Variants in GRM8 observed in about 807,000 individuals in gnomAD.
GRM8 encodes the protein metabotropic glutamate receptor 8.
Under a neutral mutation model 87.2 loss-of-function variants are expected in GRM8, and 47 were observed. That is an observed-to-expected ratio of 0.54 (90% confidence interval 0.43 to 0.69). GRM8 has a LOEUF of 0.69. Ranked by LOEUF, GRM8 falls within the 30% of genes least tolerant of loss-of-function variation. The pLI is 0.00. For missense variants in GRM8, 1,019 were observed against 1,139.2 expected (o/e 0.89, Z 1.52); for synonymous variants, 396 against 404.5 (o/e 0.98, Z 0.25).
At chr7:126,940,828 C>T (rs906322224) in intron 3 of GRM8, among the ~76,000 whole-genome samples, 15 of 152,108 alleles carry the variant, frequency 9.9e-5, no homozygotes, top group African/African-American at 2.9e-4. Flanking sequence ...TTGTTTGGTC[C>T]TTGGCTGGTT....
intron 6 of GRM8, chr7:126,870,339 G>A (rs1156860731): frequency 1.3e-5 from 2 of 152,090 alleles, no homozygotes; most frequent in African/African-American, 2.4e-5. Context: ...CCTGTTCCTT[G>A]GAGTAGCACT....
chr7:127,045,509 C>G (rs1303433153), intron 3 of GRM8, among the ~76,000 whole-genome samples: 1 of 152,190 alleles, frequency 6.6e-6, no homozygotes, highest in Non-Finnish European at 1.5e-5. Context: ...ATCTACCTAT[C>G]TATCCTGTAA....
chr7:127,017,084 A>G (rs1043250761), intron 3 of GRM8, among the ~76,000 whole-genome samples: 1 of 152,104 alleles, frequency 6.6e-6, no homozygotes, highest in African/African-American at 2.4e-5. Context: ...TATAAGATCG[A>G]TTGAATGGGA....
chr7:127,056,460 A>G (rs575991368), intron 3 of GRM8, among the ~76,000 whole-genome samples: 1 of 152,252 alleles, frequency 6.6e-6, no homozygotes. Context: ...CACAGAAGGG[A>G]GGTACACTTA....
intron 3 of GRM8, among the ~76,000 whole-genome samples, chr7:127,044,807 T>A (rs1165270987): frequency 6.6e-6 from 1 of 152,216 alleles, no homozygotes; most frequent in Non-Finnish European, 1.5e-5. Flanking sequence ...AACAACATGC[T>A]AAGTGCTTTA....
chr7:126,746,889 C>A (rs552282786), intron 7 of GRM8, among the ~76,000 whole-genome samples: 2 of 151,812 alleles, frequency 1.3e-5, no homozygotes, highest in East Asian at 3.9e-4. Flanking sequence ...CAGTTTCATA[C>A]TTCTATGTAG....
intron 8 of GRM8, among the ~76,000 whole-genome samples, chr7:126,538,580 C>G (rs1344209053): frequency 6.6e-6 from 1 of 151,748 alleles, no homozygotes; most frequent in Non-Finnish European, 1.5e-5. Context: ...TTAGTCATAC[C>G]ATTCTTAACA....
At chr7:126,852,672 T>C (rs569629321) in intron 6 of GRM8, among the ~76,000 whole-genome samples, 20 of 152,296 alleles carry the variant, frequency 1.3e-4, no homozygotes, top group South Asian at 8.3e-4. Context: ...TTTAAGAGAA[T>C]TTTCAAGTGT....
At chr7:127,023,042 G>T (rs975734850) in intron 3 of GRM8, among the ~76,000 whole-genome samples, 3 of 151,988 alleles carry the variant, frequency 2.0e-5, no homozygotes, top group African/African-American at 7.2e-5. Context: ...GTCTAGCATT[G>T]GTGTGAAGTA....
chr7:126,997,365 G>T (rs1327367499), intron 3 of GRM8, among the ~76,000 whole-genome samples: 1 of 151,440 alleles, frequency 6.6e-6, no homozygotes, highest in East Asian at 1.9e-4. Flanking sequence ...ACAGCCTGAT[G>T]ATGCATCTTA....
At chr7:126,439,542 A>G (rs1801214945) in intron 10 of GRM8, among the ~76,000 whole-genome samples, 2 of 152,168 alleles carry the variant, frequency 1.3e-5, no homozygotes, top group African/African-American at 4.8e-5. Flanking sequence ...TATACAGTAC[A>G]TAGTACTTGA....
rs558374414 is a variant in GRM8 at position 126,582,180 on chromosome 7, A to C, written c.1494+27182T>G. Among the ~76,000 whole-genome samples the C allele has an allele frequency of 4.3e-5, 6 of 139,718 alleles. No homozygotes were observed. The East Asian group carries it at 1.4e-3, about 32-fold the overall frequency. The allele number at this position is 139,718 out of a possible 152,430, so 91.7% of individuals were successfully genotyped here. A position where few individuals can be genotyped will look rare whatever the true frequency, so the allele number is the denominator to read the frequency against. On this transcript the variant is annotated intron_variant, in intron 8 of 10. Coordinates refer to ENST00000339582, the MANE Select transcript of GRM8 (RefSeq NM_000845.3). ...AAAGAAAAGTTATTGAAGAAAATAA[A>C]AAGTTCTACTCCAGGGAACACATAA...
intron 6 of GRM8, among the ~76,000 whole-genome samples, chr7:126,838,939 C>A (rs1312738904): frequency 6.6e-6 from 1 of 152,168 alleles, no homozygotes; most frequent in African/African-American, 2.4e-5. Flanking sequence ...GCCCTAGGTG[C>A]AGGTGACTGA....
chr7:127,105,872 A>G (rs375013679), intron 3 of GRM8, among the ~76,000 whole-genome samples: 1 of 152,330 alleles, frequency 6.6e-6, no homozygotes. Context: ...CAAGATGGTA[A>G]AATGCCTAGA....
intron 3 of GRM8, among the ~76,000 whole-genome samples, chr7:127,048,365 T>C (rs1222757031): frequency 2.0e-5 from 3 of 152,206 alleles, no homozygotes; most frequent in Non-Finnish European, 4.4e-5. Context: ...AGAGAGGTTA[T>C]GGAGACCAGA....
Position 126,788,420 on chromosome 7 carries a change from A to AAAAAAAAAAAAAAAAAC in GRM8, c.1157-18356_1157-18355insGTTTTTTTTTTTTTTTT. Among the ~76,000 whole-genome samples, 30 of 81,132 alleles carry AAAAAAAAAAAAAAAAAC rather than the reference A, an allele frequency of 3.7e-4. 2 individuals are homozygous for AAAAAAAAAAAAAAAAAC. The highest frequency in any genetic ancestry group is 1.4e-3 in the African/African-American group (30 of 21,822). The allele number at this position is 81,132 out of a possible 152,430, so 53.2% of individuals were successfully genotyped here. A position where few individuals can be genotyped will look rare whatever the true frequency, so the allele number is the denominator to read the frequency against. ...GCAAGACTCCATCTCAAAAAAAAAA[A>AAAAAAAAAAAAAAAAAC]AAACCCTTTCAGATATCTTTAACAT... On this transcript the variant is annotated intron_variant, in intron 6 of 10. Transcript: ENST00000339582.
At chr7:126,477,489 GATATCTTCAATATAT>G (rs1335173668) in intron 9 of GRM8, among the ~76,000 whole-genome samples, 4 of 151,442 alleles carry the variant, frequency 2.6e-5, no homozygotes, top group Admixed American at 6.6e-5. Flanking sequence ...CATCATGTCA[GATATCTTCAATATAT>G]ATACTTTTTA....
chr7:126,561,977 T>C (rs1246786085), intron 8 of GRM8, among the ~76,000 whole-genome samples: 1 of 152,144 alleles, frequency 6.6e-6, no homozygotes, highest in Non-Finnish European at 1.5e-5. Context: ...TTAAAAATTA[T>C]ATTTATTCAT....
Position 126,780,287 on chromosome 7 carries a change from G to A in GRM8, c.1157-10222C>T, listed in dbSNP as rs1327803293. Among the ~76,000 whole-genome samples the A allele has an allele frequency of 3.9e-5, 6 of 152,090 alleles. 1 individual carries two copies. Among genetic ancestry groups the A allele is most frequent in the Non-Finnish European group, 7.3e-5 (5 of 68,028 alleles). ...CTTTAACCTCCTATGCACCTTATCT[G>A]TAAAATGGGGATAACAATAATATCT... On this transcript the variant is annotated intron_variant, in intron 6 of 10. Coordinates refer to ENST00000339582, the MANE Select transcript of GRM8 (RefSeq NM_000845.3).
Sources: gnomAD v4.1 joint callset for allele counts (sites outside exome capture counted in the v4.1 genomes callset) on GRCh38, gnomAD v4.1.1 for gene constraint, MANE v1.5 for transcripts, NCBI Gene and HGNC (gene_info 2026-07-23, HGNC 2026-07-21) for gene names.